The following DYNC2LI1 variants were observed in gnomAD, a reference collection of about 807,000 sequenced individuals.
DYNC2LI1 encodes the protein cytoplasmic dynein 2 light intermediate chain 1.
DYNC2LI1 carries 45 observed loss-of-function variants against 51.9 expected under a neutral mutation model. That is an observed-to-expected ratio of 0.87 (90% CI 0.68 to 1.11). DYNC2LI1 has a LOEUF of 1.11. Among genes scored for constraint, DYNC2LI1 ranks in the 50% most tolerant of loss-of-function variants. The pLI, the probability that DYNC2LI1 is intolerant of heterozygous loss-of-function variation, is 0.00. For synonymous variants in DYNC2LI1, 130 were observed against 137.8 expected, an observed-to-expected ratio of 0.94 and a Z score of 0.40; for missense variants, 490 against 417.4, an observed-to-expected ratio of 1.17 and a Z score of -1.51.
At chr2:43,777,622 T>C (rs1673081920) in intron 2 of DYNC2LI1, among the ~76,000 whole-genome samples, 1 of 152,258 alleles carries the variant, frequency 6.6e-6, no homozygotes, top group Admixed American at 6.5e-5. Flanking sequence ...GTTCACTTTC[T>C]GTGCTCCATG....
At chr2:43,776,146 A>G (rs1188406914) in intron 1 of DYNC2LI1, among the ~76,000 whole-genome samples, 1 of 151,650 alleles carries the variant, frequency 6.6e-6, no homozygotes, top group African/African-American at 2.4e-5. Context: ...TTAATTCATC[A>G]TTTACATTAG....
At chr2:43,787,558 A>G (rs1673585908) in intron 4 of DYNC2LI1, among the ~76,000 whole-genome samples, 2 of 152,354 alleles carry the variant, frequency 1.3e-5, no homozygotes, top group South Asian at 2.1e-4. Context: ...CTGCTAAAAT[A>G]TAGGTTTGAC....
chr2:43,808,873 G>C (rs1026621699), intron 12 of DYNC2LI1, among the ~76,000 whole-genome samples: 1 of 152,054 alleles, frequency 6.6e-6, no homozygotes, highest in African/African-American at 2.4e-5. Context: ...TGCTGAGACA[G>C]AGCAATGGGT....
At chr2:43,818,463 C>G in the DYNC2LI1 span, among the ~76,000 whole-genome samples, 1 of 152,024 alleles carries the variant, frequency 6.6e-6, no homozygotes, top group African/African-American at 2.4e-5. Flanking sequence ...AAAACAAAAA[C>G]AAAATACGGT....
chr2:43,798,071 G>A (rs1422783405), intron 8 of DYNC2LI1, among the ~76,000 whole-genome samples: 1 of 150,964 alleles, frequency 6.6e-6, no homozygotes, highest in Non-Finnish European at 1.5e-5. Flanking sequence ...AGGCTGCAGT[G>A]AACCAAAATC....
In DYNC2LI1 at chr2:43,801,706, A is replaced by G; in HGVS notation, c.799A>G (p.Ile267Val). 1 of 1,607,348 alleles carries G rather than the reference A, an allele frequency of 6.2e-7. No homozygotes were observed. Among genetic ancestry groups the G allele is most frequent in the South Asian group, 1.1e-5 (1 of 89,986 alleles). Reference sequence around the variant, plus strand: ...AGCAGGATTGGATTCTTTCGGTCAAATAGGTTAGTGAACTTATTAAGATTG... The same window carrying G: ...AGCAGGATTGGATTCTTTCGGTCAAGTAGGTTAGTGAACTTATTAAGATTG... ...ITAGLDSFGQ[I>V]GSPPVPENDI... The change falls in exon 10 of 13, where the codon ATA becomes GTA. Residue 267 changes from isoleucine (I) to valine (V), a missense_variant. Coordinates refer to ENST00000260605, the MANE Select transcript of DYNC2LI1 (RefSeq NM_016008.4).
the DYNC2LI1 span, chr2:43,824,180 A>C: frequency 5.0e-6 from 8 of 1,613,820 alleles, no homozygotes; most frequent in African/African-American, 1.3e-5. Flanking sequence ...ATGGCTAAAG[A>C]CCTCTAACAG....
chr2:43,807,743 C>CA (rs536977133), intron 12 of DYNC2LI1, among the ~76,000 whole-genome samples: 1,533 of 41,672 alleles, frequency 0.037, 114 homozygotes, highest in East Asian at 0.15. Context: ...TTTGTTAAAG[C>CA]AAAAAAAAAA....
the DYNC2LI1 span, among the ~76,000 whole-genome samples, chr2:43,819,235 GC>G: frequency 1.3e-5 from 2 of 151,828 alleles, no homozygotes; most frequent in Non-Finnish European, 2.9e-5. Context: ...ATCATTTTTA[GC>G]CTTTTAAAAT....
chr2:43,809,709 T>A lies in DYNC2LI1; in HGVS notation c.998T>A (p.Leu333Gln), dbSNP rs757763712. Residue 333 changes from leucine (L) to glutamine (Q), a missense_variant, in exon 13 of 13, where the codon CTG (leucine) becomes CAG (glutamine). Transcript: ENST00000260605. ...DEMRIQKDLE[L>Q]EQYKRSSSKS... ...TGATACATATTTTTGTTTTAGGAAC[T>A]GGAACAGTACAAAAGAAGTTCTTCC... The A allele has an allele frequency of 6.2e-7, 1 of 1,610,006 alleles. No individual in the cohort carries two copies. Among genetic ancestry groups the A allele is most frequent in the African/African-American group, 1.3e-5 (1 of 74,764 alleles).
At chr2:43,812,298 T>C (rs992976799), downstream of DYNC2LI1, among the ~76,000 whole-genome samples, 4 of 151,530 alleles carry the variant, frequency 2.6e-5, no homozygotes, top group Non-Finnish European at 4.4e-5. Flanking sequence ...GCATATACTT[T>C]AGTAAAGTTT....
At position 43,774,097 on chromosome 2, in the gene DYNC2LI1, T is replaced by A. The variant is rs747945149; in HGVS notation, c.-42T>A. 4.3e-6 allele frequency: 7 copies of A among 1,613,080 alleles called. No homozygotes were observed. The South Asian group carries it at 7.7e-5, about 18-fold the overall frequency. On this transcript the variant is annotated 5_prime_UTR_variant, in exon 1 of 13. Coordinates refer to ENST00000260605, the MANE Select transcript of DYNC2LI1 (RefSeq NM_016008.4). The stretch of plus-strand genomic sequence containing the variant: ...CGCCGCCTGATTCTAGGCTGGTCAC[T>A]ACTCCGAGCCTGTGACGTTTGCGGC...
chr2:43,783,415 C>T, intron 2 of DYNC2LI1, 105 bp from the exon 3 acceptor site: 1 of 858,038 alleles, frequency 1.2e-6, no homozygotes, highest in Non-Finnish European at 1.8e-6. Context: ...GGTAATTTAT[C>T]ATTCAATTGA....
intron 5 of DYNC2LI1, among the ~76,000 whole-genome samples, chr2:43,790,047 T>C (rs1673703218): frequency 6.6e-6 from 1 of 152,238 alleles, no homozygotes; most frequent in Non-Finnish European, 1.5e-5. Context: ...CCTAATTCTT[T>C]CTGTTATCCA....
the DYNC2LI1 span, among the ~76,000 whole-genome samples, chr2:43,817,344 G>A: frequency 5.3e-5 from 8 of 151,936 alleles, no homozygotes; most frequent in Non-Finnish European, 1.2e-4. Context: ...AATTAGCTGG[G>A]CGTGGTGGTG....
chr2:43,798,679 G>C lies in DYNC2LI1; in HGVS notation c.654+1884G>C, dbSNP rs549184591. Among the ~76,000 whole-genome samples the C allele has an allele frequency of 9.7e-4, 148 of 152,308 alleles. 1 individual carries two copies. Among genetic ancestry groups the C allele is most frequent in the African/African-American group, 3.4e-3 (140 of 41,576 alleles). ...TGGCCCAGGAGATCAAACAAGATCA[G>C]GGACCAGGGAATGACTTTGAGAATG... On this transcript the variant is annotated intron_variant, in intron 8 of 12. Coordinates refer to ENST00000260605, the MANE Select transcript of DYNC2LI1 (RefSeq NM_016008.4).
intron 2 of DYNC2LI1, among the ~76,000 whole-genome samples, chr2:43,777,803 G>A (rs541398990): frequency 3.3e-5 from 5 of 152,138 alleles, no homozygotes; most frequent in African/African-American, 1.2e-4. Flanking sequence ...CTCCATTGGG[G>A]GTTTTATATA....
chr2:43,817,403 T>G, the DYNC2LI1 span, among the ~76,000 whole-genome samples: 1 of 152,068 alleles, frequency 6.6e-6, no homozygotes. Context: ...GAGAATTGCT[T>G]GAACCTGAGA....
At position 43,804,702 on chromosome 2, in the gene DYNC2LI1, T is replaced by G. The variant is rs775165006; in HGVS notation, c.863T>G (p.Leu288Trp). The change falls in exon 11 of 13, where the codon TTG becomes TGG. Residue 288 changes from leucine (L) to tryptophan (W), a missense_variant. Coordinates refer to ENST00000260605, the MANE Select transcript of DYNC2LI1 (RefSeq NM_016008.4). ...CTTCATGCCCACTCACCTATGGAGT[T>G]GTGGAAAAAAGTGTATGAAAAGCTC... ...GKLHAHSPME[L>W]WKKVYEKLFP... is the part of the protein sequence containing the mutation. The G allele has an allele frequency of 2.5e-6, 4 of 1,605,648 alleles. No homozygotes were observed. The South Asian group carries it at 3.4e-5, about 14-fold the overall frequency.
Sources: allele counts gnomAD v4.1 joint callset (sites outside exome capture counted in the v4.1 genomes callset), GRCh38; gene constraint gnomAD v4.1.1; transcripts MANE v1.5; gene names NCBI Gene and HGNC (gene_info 2026-07-23, HGNC 2026-07-21).